Variants in RANBP2 observed in about 807,000 individuals in gnomAD.
RANBP2 encodes E3 SUMO-protein ligase RanBP2.
In RANBP2, 57 loss-of-function variants were observed where a neutral mutation model predicts 303.6. The observed-to-expected ratio is 0.19, with a 90% CI of 0.15 to 0.23. RANBP2 has a LOEUF of 0.23. RANBP2 is among the 10% of genes least tolerant of loss of function. RANBP2 has a pLI of 1.00. For missense variants in RANBP2, 3,138 were observed against 3,780.8 expected, an observed-to-expected ratio of 0.83 and a Z score of 4.46; for synonymous variants, 1,167 against 1,301.5, an observed-to-expected ratio of 0.90 and a Z score of 2.23.
the RANBP2 span, among the ~76,000 whole-genome samples, chr2:109,727,465 C>T: frequency 6.6e-6 from 1 of 152,188 alleles, no homozygotes; most frequent in Non-Finnish European, 1.5e-5. Context: ...GAGTCCGTAT[C>T]CTGGAAGTCT....
the RANBP2 span, among the ~76,000 whole-genome samples, chr2:109,064,059 TCTAAAGTGCCAAGCA>T: frequency 6.6e-6 from 1 of 152,212 alleles, no homozygotes; most frequent in Non-Finnish European, 1.5e-5. Flanking sequence ...TACTATGAGT[TCTAAAGTGCCAAGCA>T]CTGTGTTTAT....
At chr2:109,580,121 T>TA in the RANBP2 span, among the ~76,000 whole-genome samples, 156 of 150,926 alleles carry the variant, frequency 1.0e-3, no homozygotes, top group Non-Finnish European at 1.7e-3. Context: ...AGTTCCATCT[T>TA]AAAAAAAGAG....
At chr2:109,553,481 T>C in the RANBP2 span, among the ~76,000 whole-genome samples, 1 of 150,798 alleles carries the variant, frequency 6.6e-6, no homozygotes, top group African/African-American at 2.5e-5. Context: ...GAGGCAGAGA[T>C]TGCAGTGAGC....
chr2:108,749,265 A>G, intron 9 of RANBP2, 136 bp downstream of exon 9: 1 of 1,396,072 alleles, frequency 7.2e-7, no homozygotes, highest in Non-Finnish European at 9.9e-7. Flanking sequence ...GGGAGTTTGA[A>G]TGTGGTGCTG....
chr2:108,808,294 TA>T, the RANBP2 span, among the ~76,000 whole-genome samples: 187 of 152,356 alleles, frequency 1.2e-3, no homozygotes, highest in Non-Finnish European at 2.1e-3. Context: ...ATACTTTGGC[TA>T]TTGCAAATAC....
chr2:109,580,326 A>G, the RANBP2 span, among the ~76,000 whole-genome samples: 291 of 148,108 alleles, frequency 2.0e-3, 1 homozygote, highest in African/African-American at 6.6e-3. Flanking sequence ...AAATGAAAGA[A>G]GTCACAATTT....
chr2:109,286,522 A>G, the RANBP2 span, among the ~76,000 whole-genome samples: 36 of 152,166 alleles, frequency 2.4e-4, no homozygotes, highest in Non-Finnish European at 5.3e-4. Context: ...GCAGAAGACC[A>G]AGTCACTAAA....
the RANBP2 span, among the ~76,000 whole-genome samples, chr2:108,987,857 G>T: frequency 1.3e-5 from 2 of 152,210 alleles, no homozygotes; most frequent in African/African-American, 4.8e-5. Flanking sequence ...TATCTTTAAA[G>T]GTTTTAAGTG....
the RANBP2 span, among the ~76,000 whole-genome samples, chr2:109,743,810 A>ATTG: frequency 1.1e-5 from 1 of 92,008 alleles, no homozygotes; most frequent in Non-Finnish European, 2.9e-5. Flanking sequence ...CCCAGTGTCT[A>ATTG]TTGCCATCTT....
chr2:109,271,000 G>A, the RANBP2 span, among the ~76,000 whole-genome samples: 2 of 152,172 alleles, frequency 1.3e-5, no homozygotes, highest in African/African-American at 4.8e-5. Flanking sequence ...CATTTTCTGG[G>A]TCACCCCTCA....
chr2:108,951,296 C>T, the RANBP2 span, among the ~76,000 whole-genome samples: 45 of 152,194 alleles, frequency 3.0e-4, no homozygotes, highest in African/African-American at 1.0e-3. Flanking sequence ...GACCACACTA[C>T]TGTACAGGTA....
At chr2:109,678,609 T>C in the RANBP2 span, among the ~76,000 whole-genome samples, 1 of 152,220 alleles carries the variant, frequency 6.6e-6, no homozygotes, top group East Asian at 1.9e-4. Flanking sequence ...TTCCTTGAAA[T>C]ATTTGCACTG....
the RANBP2 span, chr2:109,371,536 A>G: frequency 1.3e-6 from 2 of 1,526,014 alleles, no homozygotes; most frequent in East Asian, 2.3e-5. Flanking sequence ...TTCCTTTTTC[A>G]TTGTGTGTGT....
the RANBP2 span, among the ~76,000 whole-genome samples, chr2:109,295,945 C>G: frequency 6.6e-6 from 1 of 152,170 alleles, no homozygotes; most frequent in East Asian, 1.9e-4. Flanking sequence ...ACACTGCTCC[C>G]TCTGTGACTG....
At chr2:109,490,637 A>G in the RANBP2 span, 2 of 1,489,362 alleles carry the variant, frequency 1.3e-6, no homozygotes, top group South Asian at 1.3e-5. Flanking sequence ...TGAAGCTTCT[A>G]GCCGGAGCAT....
the RANBP2 span, among the ~76,000 whole-genome samples, chr2:108,831,041 G>A: frequency 6.6e-5 from 10 of 152,010 alleles, no homozygotes; most frequent in Admixed American, 2.0e-4. Context: ...CAGGCATGGT[G>A]GTGCATAACT....
At chr2:108,876,334 A>C in the RANBP2 span, 8 of 767,506 alleles carry the variant, frequency 1.0e-5, no homozygotes, top group Non-Finnish European at 1.6e-5. Flanking sequence ...CAATTCTACC[A>C]AGTAAAGTTA....
At chr2:109,680,519 A>G in the RANBP2 span, among the ~76,000 whole-genome samples, 1 of 152,230 alleles carries the variant, frequency 6.6e-6, no homozygotes, top group Non-Finnish European at 1.5e-5. Context: ...GTGTAAAGTG[A>G]AAGTAATAGT....
the RANBP2 span, among the ~76,000 whole-genome samples, chr2:109,439,189 C>T: frequency 6.6e-6 from 1 of 152,166 alleles, no homozygotes; most frequent in Non-Finnish European, 1.5e-5. Flanking sequence ...CTCAGTCCTC[C>T]ATCACCATAG....
Sources: gnomAD v4.1 joint callset for allele counts (sites outside exome capture counted in the v4.1 genomes callset) on GRCh38, gnomAD v4.1.1 for gene constraint, MANE v1.5 for transcripts, NCBI Gene and HGNC (gene_info 2026-07-23, HGNC 2026-07-21) for gene names.